RRM2: variants seen among roughly 807,000 people sequenced by gnomAD.
RRM2 encodes the protein ribonucleotide reductase regulatory subunit M2.
Under a neutral mutation model 45.9 loss-of-function variants are expected in RRM2, and 6 were observed. The observed-to-expected ratio is 0.13, with a 90% CI of 0.07 to 0.26. The LOEUF is 0.26. Among genes scored for constraint, RRM2 ranks in the 10% least tolerant of loss-of-function variants. RRM2 has a pLI of 1.00. For synonymous variants in RRM2, 177 were observed against 173.0 expected (o/e 1.02, Z -0.18); for missense variants, 343 against 489.5 (o/e 0.70, Z 2.82).
At chr2:10,154,403 G>T (rs2125316245) in intron 3 of RRM2, among the ~76,000 whole-genome samples, 1 of 123,166 alleles carries the variant, frequency 8.1e-6, no homozygotes, top group South Asian at 3.2e-4. Context: ...CTTGAACCTG[G>T]TGGGTGGTTG....
intron 3 of RRM2, among the ~76,000 whole-genome samples, chr2:10,194,178 G>T (rs900760354): frequency 3.3e-5 from 5 of 152,240 alleles, no homozygotes; most frequent in African/African-American, 7.2e-5. Flanking sequence ...AGCTGGAAAA[G>T]CTTCGAAGAG....
intron 3 of RRM2, among the ~76,000 whole-genome samples, chr2:10,160,335 C>T (rs1180102967): frequency 6.6e-6 from 1 of 152,204 alleles, no homozygotes; most frequent in Non-Finnish European, 1.5e-5. Flanking sequence ...GGAGCGGTGC[C>T]AAAGTCTGGT....
intron 3 of RRM2, among the ~76,000 whole-genome samples, chr2:10,157,665 C>G (rs73913992): frequency 0.012 from 1,903 of 152,260 alleles, 35 homozygotes; most frequent in African/African-American, 0.043. Context: ...TAGCTGTAAT[C>G]TTTTTTGTTG....
At chr2:10,191,906 C>A (rs1318906080) in intron 3 of RRM2, among the ~76,000 whole-genome samples, 1 of 152,176 alleles carries the variant, frequency 6.6e-6, no homozygotes, top group African/African-American at 2.4e-5. Context: ...AGCGTGGAGG[C>A]AGGAGGACAG....
chr2:10,210,234 A>G (rs1483362024), intron 3 of RRM2: 2 of 978,880 alleles, frequency 2.0e-6, no homozygotes, highest in Admixed American at 2.1e-5. Context: ...AGTGCCCAGT[A>G]TGTGTTTGGT....
At chr2:10,184,283 T>C (rs1000297399) in intron 3 of RRM2, among the ~76,000 whole-genome samples, 1 of 152,100 alleles carries the variant, frequency 6.6e-6, no homozygotes, top group Non-Finnish European at 1.5e-5. Flanking sequence ...TTGCAGTTCA[T>C]AAGCAATCCC....
chr2:10,139,970 T>A (rs1273279729), upstream of RRM2, among the ~76,000 whole-genome samples: 2 of 152,188 alleles, frequency 1.3e-5, no homozygotes, highest in Non-Finnish European at 2.9e-5. Flanking sequence ...AAAGAATGGC[T>A]GGGCGTGGTG....
intron 3 of RRM2, among the ~76,000 whole-genome samples, chr2:10,161,475 G>T (rs1252094915): frequency 6.6e-6 from 1 of 152,174 alleles, no homozygotes; most frequent in Non-Finnish European, 1.5e-5. Context: ...GCCTCTTGCA[G>T]GTGTGTCACG....
intron 3 of RRM2, among the ~76,000 whole-genome samples, chr2:10,145,217 C>T (rs1267992969): frequency 6.6e-6 from 1 of 152,116 alleles, no homozygotes; most frequent in Non-Finnish European, 1.5e-5. Context: ...GGTGGGTAGA[C>T]AGGGGCCAGG....
chr2:10,180,857 C>T (rs1243381302), intron 3 of RRM2, among the ~76,000 whole-genome samples: 2 of 152,134 alleles, frequency 1.3e-5, no homozygotes, highest in African/African-American at 2.4e-5. Context: ...ACCTCTGCCT[C>T]CCAGGTTCAA....
At chr2:10,194,025 CAT>C in intron 3 of RRM2, among the ~76,000 whole-genome samples, 1 of 152,304 alleles carries the variant, frequency 6.6e-6, no homozygotes, top group East Asian at 1.9e-4. Context: ...TAATGCCAAA[CAT>C]AAACAAATGA....
rs1663817229 is a variant in RRM2 at position 10,172,093 on chromosome 2, G to A, written n.482+29718G>A. ...GCATTTGAGCATGAGTGCATTAACAGGGGGAACGTCTGTGTTTACAGGGCA... is the reference window on the plus strand; with the variant it reads ...GCATTTGAGCATGAGTGCATTAACAAGGGGAACGTCTGTGTTTACAGGGCA... On this transcript the variant is annotated intron_variant and non_coding_transcript_variant, in intron 3 of 3. Coordinates refer to the RRM2 transcript ENST00000381786. This position sits in a 1 kb window ranked among gnomAD's most constrained non-coding sequence, Gnocchi z 4.9. 6.6e-6 allele frequency among the ~76,000 whole-genome samples: 1 copy of A among 152,104 alleles called. No individual in the cohort carries two copies. Among genetic ancestry groups the A allele is most frequent in the African/African-American group, 2.4e-5 (1 of 41,346 alleles).
intron 3 of RRM2, among the ~76,000 whole-genome samples, chr2:10,150,744 T>C (rs1197207186): frequency 1.4e-5 from 2 of 146,792 alleles, no homozygotes; most frequent in South Asian, 2.1e-4. Flanking sequence ...TAGAATTTCA[T>C]GTAAATAGAA....
intron 3 of RRM2, among the ~76,000 whole-genome samples, chr2:10,198,149 A>G (rs993736483): frequency 2.0e-5 from 3 of 152,170 alleles, no homozygotes; most frequent in African/African-American, 7.2e-5. Context: ...TTTCGGGGCT[A>G]TGCACAGGCT....
In RRM2 at chr2:10,127,698, T is replaced by C. The variant is rs1338810944; in HGVS notation, c.798+478T>C. On this transcript the variant is annotated intron_variant, in intron 7 of 9. Transcript: ENST00000304567. The surrounding 1 kb of genome is among the most constrained non-coding windows in gnomAD (Gnocchi z 4.1). The stretch of plus-strand genomic sequence containing the variant: ...CATGTTTGCCAGACTGGGGTTGAAC[T>C]CCTGACCTCAGGTGATCAGGTGATC... 6.6e-6 allele frequency among the ~76,000 whole-genome samples: 1 copy of C among 151,808 alleles called. No individual in the cohort carries two copies. Among genetic ancestry groups the C allele is most frequent in the African/African-American group, 2.4e-5 (1 of 41,350 alleles).
chr2:10,191,248 C>T (rs970205500), intron 3 of RRM2, among the ~76,000 whole-genome samples: 2 of 152,200 alleles, frequency 1.3e-5, no homozygotes, highest in African/African-American at 4.8e-5. Context: ...AGCAGAGAGA[C>T]TCTTGGGGCA....
rs1235308959 is a variant in RRM2, at chr2:10,123,692, T to C, written c.319-44T>C. 2.1e-6 allele frequency: 3 copies of C among 1,427,694 alleles called. No homozygotes were observed. In the African/African-American group the frequency reaches 4.3e-5, roughly 20 times the overall value. The allele number at this position is 1,427,694 out of a possible 1,614,324, so 88.4% of individuals were successfully genotyped here. ...TGCTCAGTGTGAGTCCTGTAGGCTT[T>C]ACTCTCTTCCTTTTATGCTAAAATT... On this transcript the variant is annotated intron_variant, in intron 3 of 9. Transcript: ENST00000304567.
At position 10,126,915 on chromosome 2, in the gene RRM2, A is replaced by G. The variant is rs931249894; in HGVS notation, c.610A>G (p.Lys204Glu). Reference sequence around the variant, plus strand: ...TGCCATTGAAACGATGCCTTGTGTCAAGAAGAAGGCAGACTGGGCCTTGCG... The same window carrying G: ...TGCCATTGAAACGATGCCTTGTGTCGAGAAGAAGGCAGACTGGGCCTTGCG... ...FNAIETMPCV[K>E]KKADWALRWI... Residue 204 changes from lysine (K) to glutamate (E), a missense_variant, in exon 6 of 10, where the codon AAG becomes GAG. Physicochemically the swap from Lys to Glu is moderately conservative, Grantham distance 56 (BLOSUM62 1). Transcript: ENST00000304567. The G allele has an allele frequency of 6.2e-7, 1 of 1,614,132 alleles. No homozygotes were observed.
chr2:10,128,734 A>G, intron 7 of RRM2, 114 bp from the exon 8 acceptor site: 1 of 746,320 alleles, frequency 1.3e-6, no homozygotes, highest in Non-Finnish European at 2.3e-6. Context: ...AAGTGCTCTC[A>G]GTATGGCTGA....
Sources: gnomAD v4.1 joint callset for allele counts (sites outside exome capture counted in the v4.1 genomes callset) on GRCh38, gnomAD v4.1.1 for gene constraint, Gnocchi (gnomAD v3.1) non-coding constraint, MANE v1.5 for transcripts, NCBI Gene and HGNC (gene_info 2026-07-23, HGNC 2026-07-21) for gene names.